COL5A2: variants seen among roughly 807,000 people sequenced by gnomAD.
COL5A2 encodes collagen type V alpha 2 chain.
COL5A2 carries 23 observed loss-of-function variants against 208.2 expected under a neutral mutation model. That is an observed-to-expected ratio of 0.11 (90% CI 0.08 to 0.16). The LOEUF is 0.16. Among genes scored for constraint, COL5A2 ranks in the 10% least tolerant of loss-of-function variants. The pLI is 1.00. For missense variants in COL5A2, 1,590 were observed against 1,956.4 expected (o/e 0.81, Z 3.53); for synonymous variants, 625 against 628.5 (o/e 0.99, Z 0.08).
At chr2:189,101,873 A>G (rs1281246074) in intron 3 of COL5A2, among the ~76,000 whole-genome samples, 1 of 152,102 alleles carries the variant, frequency 6.6e-6, no homozygotes, top group Non-Finnish European at 1.5e-5. Context: ...GCCAACCTAC[A>G]CAAAGCCTAG....
chr2:189,044,519 A>C (rs1442185695), intron 47 of COL5A2, among the ~76,000 whole-genome samples: 1 of 152,178 alleles, frequency 6.6e-6, no homozygotes, highest in African/African-American at 2.4e-5. Flanking sequence ...TAACTGCTCA[A>C]AACACTGTTC....
At chr2:189,306,346 T>C in the COL5A2 span, among the ~76,000 whole-genome samples, 2 of 152,162 alleles carry the variant, frequency 1.3e-5, no homozygotes, top group African/African-American at 4.8e-5. Context: ...GCATCACATA[T>C]TAGCTTATCT....
At chr2:189,056,755 G>A in intron 35 of COL5A2, 1 of 599,140 alleles carries the variant, frequency 1.7e-6, no homozygotes, top group Non-Finnish European at 3.0e-6. Flanking sequence ...TTATCTCATA[G>A]GCACAATAAA....
the COL5A2 span, among the ~76,000 whole-genome samples, chr2:189,289,203 G>T: frequency 4.0e-5 from 6 of 151,818 alleles, no homozygotes; most frequent in Non-Finnish European, 4.4e-5. Flanking sequence ...TTAGCTGGGC[G>T]TGGTGGCGTA....
chr2:189,097,704 A>G (rs989785150), intron 5 of COL5A2: 1 of 472,004 alleles, frequency 2.1e-6, no homozygotes, highest in Non-Finnish European at 4.2e-6. Context: ...GATTTTGAAA[A>G]TTACATAAAT....
At chr2:189,197,237 A>C (rs1285060694) in intron 1 of COL5A2, among the ~76,000 whole-genome samples, 1 of 152,156 alleles carries the variant, frequency 6.6e-6, no homozygotes, top group Non-Finnish European at 1.5e-5. Flanking sequence ...AACAATGAGA[A>C]CACATGGACA....
intron 1 of COL5A2, among the ~76,000 whole-genome samples, chr2:189,213,083 T>C (rs2105870001): frequency 6.6e-6 from 1 of 151,850 alleles, no homozygotes; most frequent in Admixed American, 6.6e-5. Flanking sequence ...AGAGACGGGG[T>C]TTCACCATGT....
intron 9 of COL5A2, 83 bp from the exon 10 acceptor site, chr2:189,085,855 T>C (rs1329626450): frequency 2.6e-6 from 3 of 1,155,030 alleles, no homozygotes; most frequent in Non-Finnish European, 2.6e-6. Flanking sequence ...ACAGTGTAAT[T>C]GTTTAGACAG....
chr2:189,257,848 T>C, the COL5A2 span, among the ~76,000 whole-genome samples: 140,944 of 152,246 alleles, frequency 0.93, 65,527 homozygotes, highest in East Asian at 1. Context: ...GGCGCGGTGG[T>C]TCACACTTGT....
chr2:189,301,771 A>C, the COL5A2 span, among the ~76,000 whole-genome samples: 1 of 152,220 alleles, frequency 6.6e-6, no homozygotes, highest in East Asian at 1.9e-4. Context: ...TGACATATTC[A>C]TAAAATATTC....
the COL5A2 span, among the ~76,000 whole-genome samples, chr2:189,286,224 G>A: frequency 1.3e-5 from 2 of 152,048 alleles, no homozygotes; most frequent in African/African-American, 4.8e-5. Context: ...TCCATTTTCA[G>A]GTGGTACTTT....
intron 8 of COL5A2, 45 bp from the exon 9 acceptor site, chr2:189,086,815 T>C (rs1559097301): frequency 6.7e-7 from 1 of 1,482,154 alleles, no homozygotes. Context: ...CTCATGACAA[T>C]TAGGTCAAAT....
intron 42 of COL5A2, among the ~76,000 whole-genome samples, chr2:189,050,911 A>T (rs1685773338): frequency 6.6e-6 from 1 of 152,218 alleles, no homozygotes; most frequent in Non-Finnish European, 1.5e-5. Flanking sequence ...ATTAATGTGA[A>T]TACTGACTCA....
chr2:189,369,512 C>T, the COL5A2 span, among the ~76,000 whole-genome samples: 1 of 151,896 alleles, frequency 6.6e-6, no homozygotes, highest in Non-Finnish European at 1.5e-5. Context: ...TTGATACATT[C>T]GTTTTCATTG....
the COL5A2 span, among the ~76,000 whole-genome samples, chr2:189,440,251 T>C: frequency 2.0e-5 from 3 of 152,244 alleles, no homozygotes; most frequent in African/African-American, 4.8e-5. Flanking sequence ...CTTATAGGTA[T>C]AATCATGTGT....
At chr2:189,349,734 T>G in the COL5A2 span, among the ~76,000 whole-genome samples, 1 of 152,178 alleles carries the variant, frequency 6.6e-6, no homozygotes, top group African/African-American at 2.4e-5. Context: ...AACTTTTTAT[T>G]GGAACAAACT....
chr2:189,327,843 A>G, the COL5A2 span, among the ~76,000 whole-genome samples: 1 of 152,202 alleles, frequency 6.6e-6, no homozygotes, highest in African/African-American at 2.4e-5. Flanking sequence ...GCTTATTTGC[A>G]AGATGGAGTT....
intron 1 of COL5A2, among the ~76,000 whole-genome samples, chr2:189,132,677 T>C (rs1451279730): frequency 6.6e-6 from 1 of 152,122 alleles, no homozygotes; most frequent in Admixed American, 6.5e-5. Context: ...TCCCAGCACT[T>C]TGGAAAGCCG....
chr2:189,196,561 C>T (rs1296399226), intron 1 of COL5A2, among the ~76,000 whole-genome samples: 3 of 148,912 alleles, frequency 2.0e-5, no homozygotes, highest in African/African-American at 7.4e-5. Flanking sequence ...TACTTAGCTA[C>T]CCTATAACCT....
Sources: gnomAD v4.1 joint callset for allele counts (sites outside exome capture counted in the v4.1 genomes callset) on GRCh38, gnomAD v4.1.1 for gene constraint, MANE v1.5 for transcripts, NCBI Gene and HGNC (gene_info 2026-07-23, HGNC 2026-07-21) for gene names.